The following TAF1B variants were observed in gnomAD, a reference collection of about 807,000 sequenced individuals.
TAF1B encodes the protein TATA-box binding protein associated factor, RNA polymerase I subunit B.
A neutral mutation model predicts 83.9 loss-of-function variants in TAF1B; 61 were observed. That is an observed-to-expected ratio of 0.73 (90% confidence interval 0.59 to 0.90). The LOEUF (loss-of-function observed/expected upper bound fraction) is 0.90. Ranked by LOEUF, TAF1B falls within the 40% of genes least tolerant of loss-of-function variation. The pLI, the probability that TAF1B is intolerant of heterozygous loss-of-function variation, is 0.00. For synonymous variants in TAF1B, 221 were observed against 224.6 expected (o/e 0.98, Z 0.14); for missense variants, 625 against 677.0 (o/e 0.92, Z 0.85).
In TAF1B at chr2:9,933,867, C is replaced by T; in HGVS notation, c.1650C>T (p.Leu550=). 1 of 1,613,696 alleles carries T rather than the reference C, an allele frequency of 6.2e-7. No individual in the cohort carries two copies. The highest frequency in any genetic ancestry group is 8.5e-7 in the Non-Finnish European group (1 of 1,179,782). The part of the protein sequence containing the change: ...QFILNLFSFL[L]RIKTSLLHEE... ...TACTAAATCTCTTCTCCTTCCTGCT[C>T]AGAATAAAGACTTCCCTTCTCCATG... The change falls in exon 15 of 15, where the codon CTC becomes CTT. Residue 550 remains leucine (L), a synonymous_variant. Transcript: ENST00000263663.
chr2:9,871,321 A>G (rs1186608838), intron 6 of TAF1B, among the ~76,000 whole-genome samples: 1 of 152,076 alleles, frequency 6.6e-6, no homozygotes, highest in African/African-American at 2.4e-5. Flanking sequence ...TGACCTTGTG[A>G]TCTGCCCACC....
chr2:9,913,379 T>C, intron 12 of TAF1B, 130 bp downstream of exon 12: 1 of 621,894 alleles, frequency 1.6e-6, no homozygotes, highest in Non-Finnish European at 2.7e-6. Context: ...ATATTAGCCC[T>C]ACACTCTAAT....
chr2:9,865,740 A>G (rs910692455), intron 5 of TAF1B, among the ~76,000 whole-genome samples: 1 of 151,752 alleles, frequency 6.6e-6, no homozygotes, highest in South Asian at 2.1e-4. Context: ...AAACAGAGAT[A>G]CAGACCAATG....
chr2:9,900,710 G>A (rs1175830753), intron 8 of TAF1B, among the ~76,000 whole-genome samples: 1 of 152,126 alleles, frequency 6.6e-6, no homozygotes, highest in Non-Finnish European at 1.5e-5. Context: ...TAAACAGTCT[G>A]TGGAATGGAA....
rs1296669877 is a variant in TAF1B at position 9,851,552 on chromosome 2, G to A, written c.217G>A (p.Asp73Asn). The change falls in exon 4 of 15, where the codon GAT (aspartate) becomes AAT (asparagine). Residue 73 changes from aspartate to asparagine, a missense_variant. Physicochemically the swap from Asp to Asn is conservative, Grantham distance 23. Coordinates refer to ENST00000263663, the MANE Select transcript of TAF1B (RefSeq NM_005680.3). ...TATTTGTCATTTAGAAAAAGGCTGG[G>A]ATTGGTATGTGTGTGAAGGTTTCCA... ...KKKNNTEKGW[D>N]WYVCEGFQYI... is the part of the protein sequence containing the mutation. 1.2e-6 allele frequency: 2 copies of A among 1,604,514 alleles called. No homozygotes were observed. The highest frequency in any genetic ancestry group is 1.3e-5 in the African/African-American group (1 of 74,644).
intron 7 of TAF1B, among the ~76,000 whole-genome samples, chr2:9,877,181 A>T (rs1009927053): frequency 6.6e-6 from 1 of 152,128 alleles, no homozygotes; most frequent in African/African-American, 2.4e-5. Flanking sequence ...CACTATACTG[A>T]TGACTCTCAA....
intron 8 of TAF1B, among the ~76,000 whole-genome samples, chr2:9,887,185 A>C (rs193152515): frequency 1.3e-5 from 2 of 151,602 alleles, no homozygotes; most frequent in Non-Finnish European, 3.0e-5. Flanking sequence ...TTATTTTCTC[A>C]GTATTGTATC....
At chr2:9,902,222 T>C (rs1665199099) in intron 8 of TAF1B, among the ~76,000 whole-genome samples, 1 of 129,864 alleles carries the variant, frequency 7.7e-6, no homozygotes, top group African/African-American at 2.8e-5. Context: ...AGGTGATATA[T>C]GAAGCTTTTT....
chr2:9,850,662 G>A lies in TAF1B; in HGVS notation c.206-879G>A, dbSNP rs78705751. Among the ~76,000 whole-genome samples, 419 of 152,288 alleles carry A rather than the reference G, an allele frequency of 2.8e-3. 2 individuals carry two copies. Among genetic ancestry groups the A allele is most frequent in the African/African-American group, 9.3e-3 (388 of 41,562 alleles). ...GTCAGTAACACACCTCAGAAGCTCT[G>A]TGTAAAAAGTACTGATAACAAGCTT... On this transcript the variant is annotated intron_variant, in intron 3 of 14. Coordinates refer to ENST00000263663, the MANE Select transcript of TAF1B (RefSeq NM_005680.3).
At chr2:9,885,746 C>A (rs914391771) in intron 8 of TAF1B, among the ~76,000 whole-genome samples, 37 of 150,802 alleles carry the variant, frequency 2.5e-4, no homozygotes, top group Admixed American at 2.1e-3. Flanking sequence ...TCCCCACGCC[C>A]CCCCCCACTT....
chr2:9,910,984 A>T, intron 10 of TAF1B, 71 bp downstream of exon 10: 1 of 1,416,086 alleles, frequency 7.1e-7, no homozygotes, highest in East Asian at 2.3e-5. Context: ...GAAAGCTTTA[A>T]ATGTCATGAA....
At chr2:9,906,070 G>C (rs1236107207) in intron 9 of TAF1B, among the ~76,000 whole-genome samples, 1 of 151,798 alleles carries the variant, frequency 6.6e-6, no homozygotes, top group Non-Finnish European at 1.5e-5. Context: ...TTCTTTGATG[G>C]GTCTCTCAAG....
At chr2:9,919,381 G>A (rs6727321) in intron 13 of TAF1B, among the ~76,000 whole-genome samples, 2 of 152,152 alleles carry the variant, frequency 1.3e-5, no homozygotes, top group African/African-American at 4.8e-5. Flanking sequence ...TTTGCTTATA[G>A]AATTCCTTTT....
chr2:9,924,877 T>C (rs1340130735), intron 14 of TAF1B, among the ~76,000 whole-genome samples: 2 of 152,178 alleles, frequency 1.3e-5, no homozygotes, highest in Non-Finnish European at 2.9e-5. Flanking sequence ...TGGGAGGCTG[T>C]TTATTCTTCC....
chr2:9,899,128 G>A (rs1665106638), intron 8 of TAF1B, among the ~76,000 whole-genome samples: 1 of 151,884 alleles, frequency 6.6e-6, no homozygotes, highest in East Asian at 1.9e-4. Flanking sequence ...ATCTTCCCAC[G>A]TTGAAACTCA....
intron 8 of TAF1B, among the ~76,000 whole-genome samples, chr2:9,901,675 G>A (rs1433327879): frequency 6.6e-6 from 1 of 152,040 alleles, no homozygotes; most frequent in Admixed American, 6.5e-5. Flanking sequence ...AATCTTATTA[G>A]TAATGTTAAA....
At chr2:9,896,598 A>G (rs998767091) in intron 8 of TAF1B, among the ~76,000 whole-genome samples, 4 of 142,244 alleles carry the variant, frequency 2.8e-5, no homozygotes, top group Non-Finnish European at 6.1e-5. Context: ...TATTCCAGAA[A>G]GTTGAGAGCA....
intron 5 of TAF1B, among the ~76,000 whole-genome samples, chr2:9,860,420 A>G (rs961842521): frequency 3.9e-5 from 6 of 152,344 alleles, no homozygotes; most frequent in African/African-American, 1.4e-4. Context: ...AGTGCTACAA[A>G]TTCAATTTTG....
intron 2 of TAF1B, chr2:9,845,800 A>G (rs1214389406): frequency 1.9e-5 from 5 of 268,620 alleles, no homozygotes; most frequent in Non-Finnish European, 3.6e-5. Context: ...CTGTCCAACA[A>G]TGGGAAACTC....
Sources: allele counts gnomAD v4.1 joint callset (sites outside exome capture counted in the v4.1 genomes callset), GRCh38; gene constraint gnomAD v4.1.1; transcripts MANE v1.5; gene names NCBI Gene and HGNC (gene_info 2026-07-23, HGNC 2026-07-21).